Variants in TMEM135 observed in about 807,000 individuals in gnomAD.
TMEM135 encodes the protein transmembrane protein 135.
Under a neutral mutation model 60.3 loss-of-function variants are expected in TMEM135, and 30 were observed. That is an observed-to-expected ratio of 0.50 (90% confidence interval 0.37 to 0.68). The LOEUF is 0.68. Among genes scored for constraint, TMEM135 ranks in the 30% least tolerant of loss-of-function variants. The probability of loss-of-function intolerance (pLI) is 0.00; values close to 1 mark genes in which losing one functional copy is unlikely to be tolerated. For missense variants in TMEM135, 468 were observed against 548.8 expected, an observed-to-expected ratio of 0.85 and a Z score of 1.47; for synonymous variants, 190 against 186.7, an observed-to-expected ratio of 1.02 and a Z score of -0.14.
chr11:87,116,057 A>G (rs1215711638), intron 4 of TMEM135, among the ~76,000 whole-genome samples: 1 of 152,128 alleles, frequency 6.6e-6, no homozygotes, highest in Non-Finnish European at 1.5e-5. Flanking sequence ...ATTACTTTTC[A>G]TTTGTAACTC....
At chr11:87,088,781 AAGAGGAT>A (rs1565435701) in intron 3 of TMEM135, among the ~76,000 whole-genome samples, 4 of 152,170 alleles carry the variant, frequency 2.6e-5, no homozygotes, top group Non-Finnish European at 5.9e-5. Context: ...CCATTTTTGG[AAGAGGAT>A]CAAGACAACT....
intron 12 of TMEM135, among the ~76,000 whole-genome samples, chr11:87,316,583 G>T (rs1009488108): frequency 1.3e-5 from 2 of 152,020 alleles, no homozygotes; most frequent in African/African-American, 4.8e-5. Context: ...CAGGATGATA[G>T]CAGTAGAGAT....
rs1942897834 is a variant in TMEM135, at chr11:87,325,432, G to A, written c.*4099G>A. The A allele has an allele frequency of 2.2e-6, 1 of 453,812 alleles. No individual in the cohort carries two copies. The highest frequency in any genetic ancestry group is 2.0e-5 in the African/African-American group (1 of 49,922). The allele number at this position is 453,812 out of a possible 1,614,324, so 28.1% of individuals were successfully genotyped here. A position where few individuals can be genotyped will look rare whatever the true frequency, so the allele number is the denominator to read the frequency against. On this transcript the variant is annotated 3_prime_UTR_variant, in exon 15 of 15. Coordinates refer to ENST00000305494, the MANE Select transcript of TMEM135 (RefSeq NM_022918.4). ...AGAAGAAAATGATTGACTTTTGGTT[G>A]GAGGAAAGAATTTATATCTGGTCTT...
At chr11:87,097,027 G>T (rs1026847535) in intron 4 of TMEM135, among the ~76,000 whole-genome samples, 11 of 149,190 alleles carry the variant, frequency 7.4e-5, no homozygotes, top group Admixed American at 2.7e-4. Context: ...GACAGGGTCT[G>T]GCTCTGTCAC....
chr11:87,121,614 C>G (rs113231871), intron 4 of TMEM135: 8 of 142,486 alleles, frequency 5.6e-5, no homozygotes, highest in Non-Finnish European at 1.1e-4. Flanking sequence ...AAACTTTCTA[C>G]TTTAGGACAA....
At chr11:87,071,048 G>A (rs1321460852) in intron 2 of TMEM135, among the ~76,000 whole-genome samples, 1 of 152,152 alleles carries the variant, frequency 6.6e-6, no homozygotes, top group African/African-American at 2.4e-5. Flanking sequence ...AAGCCAGAGG[G>A]TTTGCATAGC....
At chr11:87,066,405 T>A (rs758975366) in intron 1 of TMEM135, among the ~76,000 whole-genome samples, 1 of 152,216 alleles carries the variant, frequency 6.6e-6, no homozygotes, top group Non-Finnish European at 1.5e-5. Flanking sequence ...TCTATTATAT[T>A]ACTAACACTT....
At chr11:87,273,199 C>G (rs1040947604) in intron 6 of TMEM135, among the ~76,000 whole-genome samples, 6 of 152,032 alleles carry the variant, frequency 3.9e-5, no homozygotes, top group Non-Finnish European at 8.8e-5. Context: ...AATCTGGTTT[C>G]TTTTTTTATT....
chr11:87,141,218 A>C (rs1463162752), intron 4 of TMEM135, among the ~76,000 whole-genome samples: 1 of 152,122 alleles, frequency 6.6e-6, no homozygotes, highest in Non-Finnish European at 1.5e-5. Context: ...GTTTATGTAC[A>C]TAGCATATTT....
intron 1 of TMEM135, among the ~76,000 whole-genome samples, chr11:87,050,974 A>G (rs1412954962): frequency 8.2e-5 from 6 of 73,610 alleles, no homozygotes; most frequent in African/African-American, 3.9e-4. Flanking sequence ...ACCATGATCA[A>G]GTGGGCTTCA....
chr11:87,241,960 T>A (rs1474334839), intron 6 of TMEM135, among the ~76,000 whole-genome samples: 1 of 151,996 alleles, frequency 6.6e-6, no homozygotes, highest in Non-Finnish European at 1.5e-5. Context: ...ACCCATTAAC[T>A]TGTCGTATAG....
chr11:87,259,754 A>G (rs1178134599), intron 6 of TMEM135, among the ~76,000 whole-genome samples: 1 of 152,228 alleles, frequency 6.6e-6, no homozygotes, highest in African/African-American at 2.4e-5. Context: ...CTGAGCCAGG[A>G]AAATGTTTAC....
chr11:87,262,512 T>C (rs1250232278), intron 6 of TMEM135, among the ~76,000 whole-genome samples: 1 of 152,262 alleles, frequency 6.6e-6, no homozygotes, highest in Non-Finnish European at 1.5e-5. Context: ...CATTTCGATT[T>C]CCTACCTCTA....
chr11:87,101,938 A>C (rs1392320183), intron 4 of TMEM135, among the ~76,000 whole-genome samples: 3 of 152,132 alleles, frequency 2.0e-5, no homozygotes, highest in Non-Finnish European at 4.4e-5. Context: ...ACGCCATTGC[A>C]CTTCAGCCTG....
intron 5 of TMEM135, among the ~76,000 whole-genome samples, chr11:87,172,873 T>C (rs1591076877): frequency 6.6e-6 from 1 of 151,878 alleles, no homozygotes; most frequent in African/African-American, 2.4e-5. Context: ...AATAATTAAA[T>C]AATATTTAAA....
In TMEM135 at chr11:87,323,562, A is replaced by C. The variant is rs1029895027; in HGVS notation, c.*2229A>C. 1.3e-5 allele frequency: 6 copies of C among 453,118 alleles called. No homozygotes were observed. Among genetic ancestry groups the C allele is most frequent in the Non-Finnish European group, 2.6e-5 (6 of 226,590 alleles). The allele number at this position is 453,118 out of a possible 1,614,324, so 28.1% of individuals were successfully genotyped here. ...TTTTAGTTTATTTATATCCTGAAGA[A>C]ATGGTAAGTTTTCACTGGAACTGAT... On this transcript the variant is annotated 3_prime_UTR_variant, in exon 15 of 15. Transcript: ENST00000305494.
chr11:87,298,786 C>CAA (rs59740138), intron 7 of TMEM135, among the ~76,000 whole-genome samples: 18 of 57,680 alleles, frequency 3.1e-4, no homozygotes, highest in African/African-American at 7.6e-4. Flanking sequence ...GACTCTGTCT[C>CAA]AAAAAAAAAA....
rs1002075410 is a variant in TMEM135, at chr11:87,322,854, A to G, written c.*1521A>G. On this transcript the variant is annotated 3_prime_UTR_variant, in exon 15 of 15. Coordinates refer to ENST00000305494, the MANE Select transcript of TMEM135 (RefSeq NM_022918.4). ...CATTTGGTCAAAATTTGGCATTATG[A>G]TTAGCTTTGTAGAACTGACCTGTTT... is the stretch of plus-strand genomic sequence containing the variant. 9 of 454,318 alleles carry G rather than the reference A, an allele frequency of 2.0e-5. No individual in the cohort carries two copies. In the Middle Eastern group the frequency reaches 2.0e-3, roughly 103 times the overall value. The allele number at this position is 454,318 out of a possible 1,614,324, so 28.1% of individuals were successfully genotyped here. A position where few individuals can be genotyped will look rare whatever the true frequency, so the allele number is the denominator to read the frequency against.
rs1467170015 is a variant in TMEM135 at position 87,105,533 on chromosome 11, A to G, written c.396+14138A>G. On this transcript the variant is annotated intron_variant, in intron 4 of 14. Transcript: ENST00000305494. ...TGGGGACCGCTGGCCTATCACATTT[A>G]TTGATTTCATGTTGAACCATCCTCG... is the stretch of plus-strand genomic sequence containing the variant. Among the ~76,000 whole-genome samples, 3 of 152,158 alleles carry G rather than the reference A, an allele frequency of 2.0e-5. No homozygotes were observed. In the South Asian group the frequency reaches 6.2e-4, roughly 32 times the overall value.
Sources: gnomAD v4.1 joint callset for allele counts (sites outside exome capture counted in the v4.1 genomes callset) on GRCh38, gnomAD v4.1.1 for gene constraint, MANE v1.5 for transcripts, NCBI Gene and HGNC (gene_info 2026-07-23, HGNC 2026-07-21) for gene names.